KIR2DL3: variants seen among roughly 807,000 people sequenced by gnomAD.
KIR2DL3 encodes the protein killer cell immunoglobulin-like receptor 2DL3.
Under a neutral mutation model 33.8 loss-of-function variants are expected in KIR2DL3, and 39 were observed. The ratio of observed to expected loss-of-function variants is 1.15; its 90% CI spans 0.89 to 1.51. The LOEUF (loss-of-function observed/expected upper bound fraction) is 1.51. Ranked by LOEUF, KIR2DL3 falls within the 40% of genes most tolerant of loss-of-function variation. The pLI is 0.00. For synonymous variants in KIR2DL3, 174 were observed against 160.2 expected, an observed-to-expected ratio of 1.09 and a Z score of -0.65; for missense variants, 462 against 426.2, an observed-to-expected ratio of 1.08 and a Z score of -0.74.
At chr19:54,749,926 A>G (rs1228391689) in intron 5 of KIR2DL3, among the ~76,000 whole-genome samples, 1 of 109,836 alleles carries the variant, frequency 9.1e-6, no homozygotes, top group Non-Finnish European at 1.9e-5. Flanking sequence ...AAATACATAA[A>G]TATAATAAAA....
At chr19:54,743,354 T>A (rs1329114722) in intron 3 of KIR2DL3, among the ~76,000 whole-genome samples, 1 of 152,022 alleles carries the variant, frequency 6.6e-6, no homozygotes, top group Admixed American at 6.6e-5. Flanking sequence ...GATTGATGGA[T>A]AGATAGACAA....
At chr19:54,745,693 C>G (rs1244201296) in intron 4 of KIR2DL3, among the ~76,000 whole-genome samples, 1 of 151,802 alleles carries the variant, frequency 6.6e-6, no homozygotes, top group Non-Finnish European at 1.5e-5. Context: ...GACTTCCACA[C>G]TTTTCTCCGT....
At chr19:54,741,835 G>T in intron 2 of KIR2DL3, 145 bp from the exon 3 acceptor site, 6 of 1,190,332 alleles carry the variant, frequency 5.0e-6, no homozygotes, top group South Asian at 4.5e-5. Flanking sequence ...CCTGCACCAG[G>T]AGTTAAGGGC....
At chr19:54,740,175 T>C (rs1233828062) in intron 2 of KIR2DL3, among the ~76,000 whole-genome samples, 2 of 152,046 alleles carry the variant, frequency 1.3e-5, no homozygotes, top group Non-Finnish European at 2.9e-5. Flanking sequence ...ATAGTAGCCA[T>C]AGAAACGTGG....
At chr19:54,738,695 G>T in intron 1 of KIR2DL3, 116 bp downstream of exon 1, 6 of 1,534,894 alleles carry the variant, frequency 3.9e-6, no homozygotes, top group Non-Finnish European at 5.4e-6. Context: ...GATGGGCCTA[G>T]AAGTGGAGAT....
intron 4 of KIR2DL3, among the ~76,000 whole-genome samples, chr19:54,745,607 GC>G (rs1377072571): frequency 6.7e-6 from 1 of 150,134 alleles, no homozygotes; most frequent in Non-Finnish European, 1.5e-5. Flanking sequence ...CAACTGAGGT[GC>G]CCGCCTCGGT....
At chr19:54,747,411 G>A (rs764740122) in intron 5 of KIR2DL3, 26 bp downstream of exon 5, 30 of 1,607,340 alleles carry the variant, frequency 1.9e-5, no homozygotes, top group East Asian at 4.5e-5. Flanking sequence ...TCTTATATCC[G>A]CTTTTGGAAA....
rs1474942182 is a variant in KIR2DL3, at chr19:54,744,240, G to A, written c.664+152G>A. ...GATCAGGGCACAGGATGGCAGACAG[G>A]GCACCTCCAAACCCTCCTACACGGC... is the stretch of plus-strand genomic sequence containing the variant. On this transcript the variant is annotated intron_variant, in intron 4 of 7. Coordinates refer to ENST00000342376, the MANE Select transcript of KIR2DL3 (RefSeq NM_015868.3). 1.2e-5 allele frequency: 16 copies of A among 1,296,280 alleles called. No homozygotes were observed. In the African/African-American group the frequency reaches 2.1e-4, roughly 17 times the overall value. 80.3% of individuals were successfully genotyped at this position (1,296,280 alleles called of 1,614,324 possible).
At chr19:54,740,391 G>T (rs1468460893) in intron 2 of KIR2DL3, among the ~76,000 whole-genome samples, 3 of 151,702 alleles carry the variant, frequency 2.0e-5, no homozygotes, top group African/African-American at 7.3e-5. Context: ...AGGAAGGTGG[G>T]GTGCCTGTCC....
At chr19:54,740,099 T>C (rs2070736601) in intron 2 of KIR2DL3, among the ~76,000 whole-genome samples, 2 of 152,208 alleles carry the variant, frequency 1.3e-5, no homozygotes, top group Non-Finnish European at 1.5e-5. Flanking sequence ...CTGAGGCTTT[T>C]GTTGTAGGGA....
chr19:54,750,782 T>A (rs1454676745), intron 5 of KIR2DL3, among the ~76,000 whole-genome samples: 1 of 135,386 alleles, frequency 7.4e-6, no homozygotes, highest in Admixed American at 7.6e-5. Flanking sequence ...GAAACCTACA[T>A]TTCAATGTGA....
chr19:54,740,252 C>T (rs576955037), intron 2 of KIR2DL3, among the ~76,000 whole-genome samples: 682 of 152,074 alleles, frequency 4.5e-3, no homozygotes, highest in African/African-American at 0.016. Flanking sequence ...TCTAAGGCGG[C>T]GCCTCCTTCT....
intron 2 of KIR2DL3, among the ~76,000 whole-genome samples, chr19:54,741,172 T>C (rs1217609581): frequency 1.3e-5 from 2 of 150,582 alleles, no homozygotes; most frequent in East Asian, 3.9e-4. Flanking sequence ...CAAGGACAAG[T>C]TAAGAAACAA....
At chr19:54,741,413 G>A (rs1320192130) in intron 2 of KIR2DL3, among the ~76,000 whole-genome samples, 1 of 151,922 alleles carries the variant, frequency 6.6e-6, no homozygotes, top group East Asian at 1.9e-4. Context: ...AGGGTGGGAT[G>A]ATGATGCCAC....
intron 3 of KIR2DL3, 38 bp downstream of exon 3, chr19:54,742,317 C>G: frequency 6.2e-7 from 1 of 1,609,246 alleles, no homozygotes; most frequent in East Asian, 2.2e-5. Context: ...CATTGGGATG[C>G]AGAGTGAATG....
At position 54,747,365 on chromosome 19, in the gene KIR2DL3, C is replaced by T. The variant is rs2072697449; in HGVS notation, c.695C>T (p.Thr232Ile). ...GNPSNSWPSP[T>I]EPSSETGNPR... is the part of the protein sequence containing the mutation. ...CCTTCAAATAGTTGGCCTTCACCCA[C>T]TGAACCAAGCTCCGAAACCGGTGAG... The change falls in exon 5 of 8, where the codon ACT (threonine) becomes ATT (isoleucine). Residue 232 changes from threonine (T) to isoleucine (I), a missense_variant. Physicochemically the swap from Thr to Ile is moderately conservative, Grantham distance 89. Transcript: ENST00000342376. 1 of 1,611,774 alleles carries T rather than the reference C, an allele frequency of 6.2e-7. No homozygotes were observed. The highest frequency in any genetic ancestry group is 1.1e-5 in the South Asian group (1 of 91,028).
At chr19:54,744,915 TATAA>T (rs1568968889) in intron 4 of KIR2DL3, among the ~76,000 whole-genome samples, 1 of 40,480 alleles carries the variant, frequency 2.5e-5, no homozygotes, top group Non-Finnish European at 5.3e-5. Flanking sequence ...CACACACATA[TATAA>T]ACATATATAT....
rs202032116 is a variant in KIR2DL3 at position 54,742,004 on chromosome 19, T to G, written c.95T>G (p.Leu32Arg). ...HEGVHRKPSL[L>R]AHPGPLVKSE... ...GGAGTCCACAGAAAACCTTCCCTCC[T>G]GGCCCACCCAGGTCCCCTGGTGAAA... Residue 32 changes from leucine to arginine, a missense_variant, in exon 3 of 8, where the codon CTG (leucine) becomes CGG (arginine). Leu to Arg is a moderately radical substitution (Grantham distance 102). Transcript: ENST00000342376. 66,443 of 1,610,680 alleles carry G rather than the reference T, an allele frequency of 0.041. 1,618 individuals carry two copies. The highest frequency in any genetic ancestry group is 0.1 in the African/African-American group (7,439 of 74,664).
intron 5 of KIR2DL3, among the ~76,000 whole-genome samples, chr19:54,748,524 T>A (rs1387449829): frequency 6.8e-6 from 1 of 146,556 alleles, no homozygotes; most frequent in African/African-American, 2.5e-5. Flanking sequence ...ACACTGATAT[T>A]GCAGATGGTT....
Sources: gnomAD v4.1 joint callset for allele counts (sites outside exome capture counted in the v4.1 genomes callset) on GRCh38, gnomAD v4.1.1 for gene constraint, MANE v1.5 for transcripts, NCBI Gene and HGNC (gene_info 2026-07-23, HGNC 2026-07-21) for gene names.